R3HDM2: variants seen among roughly 807,000 people sequenced by gnomAD.
R3HDM2 encodes R3H domain-containing protein 2.
A neutral mutation model predicts 124.5 loss-of-function variants in R3HDM2; 38 were observed. The observed-to-expected ratio is 0.31, with a 90% CI of 0.24 to 0.40. The LOEUF (loss-of-function observed/expected upper bound fraction) is 0.40. R3HDM2 is among the 10% of genes least tolerant of loss of function. The pLI, the probability that R3HDM2 is intolerant of heterozygous loss-of-function variation, is 1.00. For missense variants in R3HDM2, 869 were observed against 1,236.9 expected, an observed-to-expected ratio of 0.70 and a Z score of 4.46; for synonymous variants, 391 against 448.0, an observed-to-expected ratio of 0.87 and a Z score of 1.61.
chr12:57,357,745 T>C (rs1485899280), intron 2 of R3HDM2, among the ~76,000 whole-genome samples: 1 of 151,816 alleles, frequency 6.6e-6, no homozygotes, highest in Non-Finnish European at 1.5e-5. Flanking sequence ...TCTTTTCTAA[T>C]TTCTTAAGGT....
chr12:57,264,241 CAAA>C (rs550732747), intron 19 of R3HDM2, among the ~76,000 whole-genome samples: 2 of 107,716 alleles, frequency 1.9e-5, no homozygotes, highest in African/African-American at 3.7e-5. Flanking sequence ...GACTCTGTCT[CAAA>C]AAAAAAAAAA....
intron 11 of R3HDM2, 69 bp from the exon 12 acceptor site, chr12:57,289,109 C>A: frequency 1.4e-6 from 2 of 1,430,720 alleles, no homozygotes; most frequent in South Asian, 1.2e-5. Flanking sequence ...AAAGGATGTC[C>A]ATGATGCTAT....
intron 2 of R3HDM2, among the ~76,000 whole-genome samples, chr12:57,359,074 C>T (rs1347923597): frequency 2.0e-5 from 3 of 152,108 alleles, no homozygotes; most frequent in East Asian, 1.9e-4. Flanking sequence ...CCCATCACCA[C>T]GCCCATCTAA....
At chr12:57,340,194 C>T (rs532461881) in intron 2 of R3HDM2, among the ~76,000 whole-genome samples, 8 of 152,186 alleles carry the variant, frequency 5.3e-5, no homozygotes, top group East Asian at 1.9e-4. Flanking sequence ...TAAACAAAAC[C>T]GTCATCTTTT....
chr12:57,289,245 G>A (rs1028424316), intron 11 of R3HDM2, among the ~76,000 whole-genome samples: 2 of 152,238 alleles, frequency 1.3e-5, no homozygotes, highest in African/African-American at 4.8e-5. Context: ...ACATCTGGTG[G>A]TTTTAGCCTT....
At chr12:57,265,506 A>T (rs1223533266) in intron 19 of R3HDM2, among the ~76,000 whole-genome samples, 1 of 150,398 alleles carries the variant, frequency 6.6e-6, no homozygotes, top group Non-Finnish European at 1.5e-5. Context: ...ATAGTGCTAG[A>T]TTCAGAAAAC....
chr12:57,332,161 G>A (rs2058280580), intron 2 of R3HDM2, among the ~76,000 whole-genome samples: 1 of 151,876 alleles, frequency 6.6e-6, no homozygotes, highest in African/African-American at 2.4e-5. Flanking sequence ...TGTAATCCCA[G>A]AACTTTGGAA....
chr12:57,331,791 G>C lies in R3HDM2; in HGVS notation c.-35-21328C>G, dbSNP rs531098168. 2.6e-5 allele frequency among the ~76,000 whole-genome samples: 4 copies of C among 152,136 alleles called. No individual in the cohort carries two copies. The East Asian group carries it at 7.7e-4, about 29-fold the overall frequency. Reference sequence around the variant, plus strand: ...TAGCCGGGCGTGGTGGCAGGCGCCTGTAGTACCAGCTACTTGGGAGGCTGA... The same window carrying C: ...TAGCCGGGCGTGGTGGCAGGCGCCTCTAGTACCAGCTACTTGGGAGGCTGA... On this transcript the variant is annotated intron_variant, in intron 2 of 23. Coordinates refer to ENST00000402412, the MANE Select transcript of R3HDM2 (RefSeq NM_001394031.1).
chr12:57,392,804 C>CTTT (rs1183514418), intron 2 of R3HDM2, among the ~76,000 whole-genome samples: 6 of 127,520 alleles, frequency 4.7e-5, no homozygotes, highest in Non-Finnish European at 8.3e-5. Flanking sequence ...CTATAGTACA[C>CTTT]TTTTTTTTTT....
At chr12:57,393,171 T>C (rs2066983051) in intron 2 of R3HDM2, among the ~76,000 whole-genome samples, 1 of 151,856 alleles carries the variant, frequency 6.6e-6, no homozygotes, top group Non-Finnish European at 1.5e-5. Flanking sequence ...TGGTGCGATC[T>C]TGGCTCACTG....
chr12:57,402,770 CA>C (rs555354713), intron 1 of R3HDM2, among the ~76,000 whole-genome samples: 4 of 150,118 alleles, frequency 2.7e-5, no homozygotes, highest in South Asian at 2.1e-4. Context: ...ACTCTGTCTC[CA>C]AAAAAAAACT....
intron 17 of R3HDM2, 103 bp from the exon 18 acceptor site, chr12:57,268,560 C>T: frequency 8.3e-7 from 1 of 1,209,788 alleles, no homozygotes; most frequent in Non-Finnish European, 1.2e-6. Flanking sequence ...ACTTCCTTCC[C>T]TACCTTAGAT....
chr12:57,379,630 A>AT (rs1402975179), intron 2 of R3HDM2, among the ~76,000 whole-genome samples: 1 of 151,848 alleles, frequency 6.6e-6, no homozygotes, highest in Non-Finnish European at 1.5e-5. Context: ...AAGGGAAGGG[A>AT]TTTTTTTCTG....
At chr12:57,330,472 T>A (rs1215514222) in intron 2 of R3HDM2, among the ~76,000 whole-genome samples, 1 of 151,334 alleles carries the variant, frequency 6.6e-6, no homozygotes, top group Admixed American at 6.6e-5. Context: ...GCCTCCTGAG[T>A]AGCTGAAATT....
intron 2 of R3HDM2, among the ~76,000 whole-genome samples, chr12:57,377,141 AAATATGG>A (rs2064193493): frequency 6.6e-6 from 1 of 150,538 alleles, no homozygotes; most frequent in Non-Finnish European, 1.5e-5. Flanking sequence ...AAAAAATTAA[AAATATGG>A]AATGTGGGCT....
At chr12:57,395,845 A>C (rs1328584693) in intron 1 of R3HDM2, 27 bp from the exon 2 acceptor site, 1 of 961,926 alleles carries the variant, frequency 1.0e-6, no homozygotes, top group Non-Finnish European at 1.2e-6. Flanking sequence ...AAAAAAAAAA[A>C]CAAGTTAAAA....
At chr12:57,328,529 C>G (rs1284335682) in intron 2 of R3HDM2, among the ~76,000 whole-genome samples, 1 of 151,218 alleles carries the variant, frequency 6.6e-6, no homozygotes, top group Non-Finnish European at 1.5e-5. Flanking sequence ...AAACTTTTTT[C>G]ATTTCTTTGT....
In R3HDM2 at chr12:57,303,165, A is replaced by AGG; in HGVS notation, c.207+9_207+10dup. On this transcript the variant is annotated intron_variant, in intron 4 of 23. Transcript: ENST00000402412. ...TAACATTAGAAAAGAAGCTAGAGGA[A>AGG]GGGCTCTCACCTTGGCTCTTTTCCT... 1 of 1,502,734 alleles carries AGG rather than the reference A, an allele frequency of 6.7e-7. No homozygotes were observed. The highest frequency in any genetic ancestry group is 9.1e-7 in the Non-Finnish European group (1 of 1,102,530). 93.1% of individuals were successfully genotyped at this position (1,502,734 alleles called of 1,614,324 possible).
chr12:57,393,135 G>A (rs1210921386), intron 2 of R3HDM2, among the ~76,000 whole-genome samples: 4 of 145,262 alleles, frequency 2.8e-5, no homozygotes, highest in South Asian at 2.2e-4. Flanking sequence ...AAGGAGTCTC[G>A]CTCTGTCGCC....
Sources: allele counts gnomAD v4.1 joint callset (sites outside exome capture counted in the v4.1 genomes callset), GRCh38; gene constraint gnomAD v4.1.1; transcripts MANE v1.5; gene names NCBI Gene and HGNC (gene_info 2026-07-23, HGNC 2026-07-21).